Variants in XRRA1 observed in about 807,000 individuals in gnomAD.
The protein encoded by XRRA1 is X-ray radiation resistance-associated protein 1.
In XRRA1, 69 loss-of-function variants were observed where a neutral mutation model predicts 80.2. The observed-to-expected ratio is 0.86, with a 90% CI of 0.71 to 1.05. The LOEUF is 1.05. Ranked by LOEUF, XRRA1 falls within the 50% of genes least tolerant of loss-of-function variation. The pLI is 0.00. For missense variants in XRRA1, 967 were observed against 976.4 expected (o/e 0.99, Z 0.13); for synonymous variants, 348 against 389.9 (o/e 0.89, Z 1.27).
chr11:74,862,408 G>A (rs951287845), intron 11 of XRRA1, among the ~76,000 whole-genome samples: 15 of 152,334 alleles, frequency 9.8e-5, no homozygotes, highest in East Asian at 9.6e-4. Context: ...CAAGGATGCA[G>A]GTTGGCTAAA....
intron 10 of XRRA1, among the ~76,000 whole-genome samples, chr11:74,871,163 T>A (rs1290049532): frequency 1.3e-5 from 2 of 152,208 alleles, no homozygotes; most frequent in Admixed American, 6.5e-5. Context: ...AAATCACCAG[T>A]GGAGGATTAG....
At chr11:74,911,163 G>A (rs1483667808) in intron 8 of XRRA1, 1 of 152,286 alleles carries the variant, frequency 6.6e-6, no homozygotes, top group Non-Finnish European at 1.5e-5. Context: ...AGCAGAAAAG[G>A]AACCCACAGA....
At position 74,939,878 on chromosome 11, in the gene XRRA1, A is replaced by C. The variant is rs1945964871; in HGVS notation, c.94+907T>G. Among the ~76,000 whole-genome samples the C allele has an allele frequency of 2.0e-5, 3 of 152,162 alleles. No individual in the cohort carries two copies. In the South Asian group the frequency reaches 6.2e-4, roughly 31 times the overall value. On this transcript the variant is annotated intron_variant, in intron 3 of 18. Coordinates refer to ENST00000684022, the MANE Select transcript of XRRA1 (RefSeq NM_001378157.1). ...GAGAGAGAGAGCGAGAGCAAGAGAG[A>C]GAGAGAGCGAGAGCAAGAGAGAGAC...
intron 10 of XRRA1, among the ~76,000 whole-genome samples, chr11:74,890,315 G>A (rs569818134): frequency 3.3e-5 from 5 of 152,256 alleles, no homozygotes; most frequent in East Asian, 1.9e-4. Flanking sequence ...GGTACACAAC[G>A]AAATGAAGGC....
Position 74,927,383 on chromosome 11 carries a change from C to T in XRRA1, c.522+8G>A. ...GTGGGCACCAAAAACTCCCTACCTCCAACTTACTTCTAATAACTTAAAGTC... is the reference window on the plus strand; with the variant it reads ...GTGGGCACCAAAAACTCCCTACCTCTAACTTACTTCTAATAACTTAAAGTC... On this transcript the variant is annotated splice_region_variant and intron_variant, in intron 7 of 18. Transcript: ENST00000684022. The T allele has an allele frequency of 1.3e-6, 2 of 1,585,026 alleles. No individual in the cohort carries two copies. Among genetic ancestry groups the T allele is most frequent in the Non-Finnish European group, 1.7e-6 (2 of 1,154,188 alleles).
chr11:74,843,227 CTCCT>C lies in XRRA1; in HGVS notation c.2372_2375del (p.Gln791ArgfsTer39). The C allele has an allele frequency of 6.4e-7, 1 of 1,559,516 alleles. No individual in the cohort carries two copies. The highest frequency in any genetic ancestry group is 8.7e-7 in the Non-Finnish European group (1 of 1,151,716). On this transcript the variant is annotated frameshift_variant, in exon 19 of 19. Transcript: ENST00000684022. LOFTEE classifies it high-confidence loss of function. ...AGCCTTGTGAGTCACTGGCTGTGGGCTCCTGGCAGAACTCATCCATGAACTCGAG... is the reference window on the plus strand; with the variant it reads ...AGCCTTGTGAGTCACTGGCTGTGGGCGGCAGAACTCATCCATGAACTCGAG...
chr11:74,944,847 C>G (rs1947174382), intron 2 of XRRA1, among the ~76,000 whole-genome samples, 171 bp downstream of exon 2: 1 of 152,194 alleles, frequency 6.6e-6, no homozygotes, highest in Non-Finnish European at 1.5e-5. Flanking sequence ...TGACCAATCA[C>G]ACACATCTGC....
At chr11:74,848,586 G>T in intron 14 of XRRA1, 124 bp from the exon 15 acceptor site, 1 of 820,742 alleles carries the variant, frequency 1.2e-6, no homozygotes, top group Non-Finnish European at 1.9e-6. Context: ...GGCGGGGGTG[G>T]AAAGGGAAAT....
At chr11:74,870,731 ACT>A (rs2044597963) in intron 10 of XRRA1, among the ~76,000 whole-genome samples, 1 of 151,022 alleles carries the variant, frequency 6.6e-6, no homozygotes, top group Admixed American at 6.6e-5. Context: ...TTGCCTAAAC[ACT>A]CTAGTTTTCC....
chr11:74,938,209 A>G (rs1188539476), intron 3 of XRRA1, among the ~76,000 whole-genome samples: 1 of 152,256 alleles, frequency 6.6e-6, no homozygotes, highest in Non-Finnish European at 1.5e-5. Context: ...CTCACAGACC[A>G]CTGCTGACAA....
At chr11:74,847,611 C>T (rs575283908) in intron 15 of XRRA1, among the ~76,000 whole-genome samples, 20 of 152,298 alleles carry the variant, frequency 1.3e-4, no homozygotes, top group African/African-American at 4.8e-4. Context: ...CCCTCCTGGG[C>T]TGGGGCAGAG....
At chr11:74,856,045 T>G (rs1447591870) in intron 12 of XRRA1, among the ~76,000 whole-genome samples, 1 of 152,110 alleles carries the variant, frequency 6.6e-6, no homozygotes, top group African/African-American at 2.4e-5. Context: ...GGCAGGAGAA[T>G]TGCTTGAACC....
intron 10 of XRRA1, among the ~76,000 whole-genome samples, chr11:74,877,534 C>T (rs2046330620): frequency 6.6e-6 from 1 of 151,888 alleles, no homozygotes; most frequent in Middle Eastern, 3.4e-3. Flanking sequence ...CATATGTATA[C>T]ATGTGCCATG....
intron 3 of XRRA1, among the ~76,000 whole-genome samples, chr11:74,939,864 C>T (rs565421208): frequency 1.5e-4 from 22 of 142,832 alleles, no homozygotes; most frequent in Non-Finnish European, 2.5e-4. Flanking sequence ...AGAGAGAGAG[C>T]GAGAGCAAGA....
chr11:74,908,878 C>T (rs1425212498), intron 8 of XRRA1, among the ~76,000 whole-genome samples: 1 of 152,178 alleles, frequency 6.6e-6, no homozygotes, highest in Non-Finnish European at 1.5e-5. Context: ...TAGCTATAGG[C>T]AGCCATGTTT....
At chr11:74,946,198 C>T (rs111290727) in intron 1 of XRRA1, among the ~76,000 whole-genome samples, 55 of 152,298 alleles carry the variant, frequency 3.6e-4, no homozygotes, top group African/African-American at 1.2e-3. Context: ...CCAACTCAGC[C>T]TCTCAAAGTG....
chr11:74,850,867 A>G (rs1591557333), intron 14 of XRRA1: 1 of 292,050 alleles, frequency 3.4e-6, no homozygotes, highest in Non-Finnish European at 6.5e-6. Flanking sequence ...AGGTGACTAT[A>G]ACTTTCAATG....
chr11:74,886,005 A>G (rs757556729), intron 10 of XRRA1, among the ~76,000 whole-genome samples: 14 of 152,242 alleles, frequency 9.2e-5, no homozygotes, highest in Non-Finnish European at 2.1e-4. Context: ...TTTTGATAAA[A>G]TTCAACATCA....
intron 11 of XRRA1, 76 bp downstream of exon 11, chr11:74,862,905 A>T: frequency 7.7e-7 from 1 of 1,295,984 alleles, no homozygotes; most frequent in Non-Finnish European, 1.1e-6. Context: ...TCATGGCTCC[A>T]TTATTTTATT....
Sources: allele counts gnomAD v4.1 joint callset (sites outside exome capture counted in the v4.1 genomes callset), GRCh38; gene constraint gnomAD v4.1.1; transcripts MANE v1.5; gene names NCBI Gene and HGNC (gene_info 2026-07-23, HGNC 2026-07-21).